The following CENPN variants were observed in gnomAD, a reference collection of about 807,000 sequenced individuals.
The protein encoded by CENPN is centromere protein N.
In CENPN, 36 loss-of-function variants were observed where a neutral mutation model predicts 48.6. The ratio of observed to expected loss-of-function variants is 0.74; its 90% CI spans 0.57 to 0.98. The LOEUF (loss-of-function observed/expected upper bound fraction) is 0.98. CENPN is among the 50% of genes least tolerant of loss of function. CENPN has a pLI of 0.00. For missense variants in CENPN, 439 were observed against 399.2 expected (o/e 1.10, Z -0.85); for synonymous variants, 166 against 135.2 (o/e 1.23, Z -1.58).
downstream of CENPN, among the ~76,000 whole-genome samples, chr16:81,031,734 C>A (rs115069815): frequency 5.6e-3 from 848 of 152,256 alleles, 10 homozygotes; most frequent in African/African-American, 0.019. Context: ...TGTCCAGTAG[C>A]TGGGATTACA....
chr16:81,015,187 C>T (rs192637902), intron 3 of CENPN, among the ~76,000 whole-genome samples: 33 of 152,308 alleles, frequency 2.2e-4, no homozygotes, highest in African/African-American at 7.7e-4. Flanking sequence ...TCCTCCCTTC[C>T]ATTTCATTGA....
intron 1 of CENPN, among the ~76,000 whole-genome samples, chr16:81,009,663 C>T (rs958230548): frequency 2.6e-5 from 4 of 152,186 alleles, no homozygotes; most frequent in Non-Finnish European, 5.9e-5. Context: ...TGTTAAAATA[C>T]AGTCAACTAT....
rs140590727 is a variant in CENPN at position 81,020,199 on chromosome 16, G to A, written c.454G>A (p.Val152Met). 49 of 1,613,754 alleles carry A rather than the reference G, an allele frequency of 3.0e-5. No homozygotes were observed. Among genetic ancestry groups the A allele is most frequent in the Admixed American group, 5.0e-5 (3 of 59,948 alleles). The change falls in exon 6 of 11, where the codon GTG becomes ATG. Residue 152 changes from valine (V) to methionine (M), a missense_variant. Transcript: ENST00000305850. The part of the protein sequence containing the change: ...TKPNQYKPTY[V>M]VYYSQTPYAF... ...GCCAAACCAGTACAAACCTACCTACGTGGTGTACTACTCCCAGACTCCGTA... is the reference window on the plus strand; with the variant it reads ...GCCAAACCAGTACAAACCTACCTACATGGTGTACTACTCCCAGACTCCGTA...
rs1597114744 is a variant in CENPN, at chr16:81,030,137, C to T, written c.*1486C>T. On this transcript the variant is annotated 3_prime_UTR_variant, in exon 11 of 11. Transcript: ENST00000305850. ...CCATGACTCAAGTATCTCCACCTGG[C>T]CCTGCCCTTGTCACATGGGGGTTAT... 2 of 918,992 alleles carry T rather than the reference C, an allele frequency of 2.2e-6. No homozygotes were observed. The highest frequency in any genetic ancestry group is 1.0e-4 in the South Asian group (2 of 19,974). 56.9% of individuals were successfully genotyped at this position (918,992 alleles called of 1,614,324 possible).
intron 3 of CENPN, 89 bp from the exon 4 acceptor site, chr16:81,017,237 C>T: frequency 1.2e-6 from 1 of 841,134 alleles, no homozygotes. Flanking sequence ...CTGTTACTTT[C>T]CCCAGTTTTA....
At chr16:81,014,345 C>T in intron 3 of CENPN, 164 bp downstream of exon 3, 1 of 615,906 alleles carries the variant, frequency 1.6e-6, no homozygotes, top group Non-Finnish European at 3.0e-6. Flanking sequence ...AGTGATTCTC[C>T]AACCTCAGCC....
intron 2 of CENPN, among the ~76,000 whole-genome samples, chr16:81,013,468 C>A (rs564307347): frequency 6.6e-6 from 1 of 152,326 alleles, no homozygotes; most frequent in South Asian, 2.1e-4. Flanking sequence ...TGGCTCCTGC[C>A]TGGAATCCCA....
At chr16:81,019,713 C>T (rs900335791) in intron 5 of CENPN, among the ~76,000 whole-genome samples, 1 of 151,652 alleles carries the variant, frequency 6.6e-6, no homozygotes, top group African/African-American at 2.4e-5. Context: ...CAAAAAAAAA[C>T]TTTTTTAAAA....
Position 81,014,167 on chromosome 16 carries a change from T to G in CENPN, c.203T>G (p.Leu68Arg). ...EKRASISDAA[L>R]LDIIYMQFHQ... ...CGTGCAAGTATCAGTGATGCTGCCC[T>G]GTTAGACATCATTTGTAAGTGTCAG... is the stretch of plus-strand genomic sequence containing the variant. The change falls in exon 3 of 11, where the codon CTG becomes CGG. Residue 68 changes from leucine (L) to arginine (R), a missense_variant. Physicochemically the swap from Leu to Arg is moderately radical, Grantham distance 102. Transcript: ENST00000305850. The G allele has an allele frequency of 6.2e-7, 1 of 1,613,306 alleles. No homozygotes were observed. Among genetic ancestry groups the G allele is most frequent in the South Asian group, 1.1e-5 (1 of 91,082 alleles).
At position 81,028,684 on chromosome 16, in the gene CENPN, T is replaced by C. The variant is rs776739470; in HGVS notation, c.*33T>C. Reference sequence around the variant, plus strand: ...GTGGTTTCTTAAGCACAGCTCCTCCTTCTTGATATTGCACATGCACTTCAG... The same window carrying C: ...GTGGTTTCTTAAGCACAGCTCCTCCCTCTTGATATTGCACATGCACTTCAG... On this transcript the variant is annotated 3_prime_UTR_variant, in exon 11 of 11. Coordinates refer to ENST00000305850, the MANE Select transcript of CENPN (RefSeq NM_001100624.3). 1 of 1,596,286 alleles carries C rather than the reference T, an allele frequency of 6.3e-7. No individual in the cohort carries two copies. The highest frequency in any genetic ancestry group is 1.8e-5 in the Admixed American group (1 of 54,784).
Position 81,030,301 on chromosome 16 carries a change from G to A in CENPN, c.*1650G>A. 1 of 985,416 alleles carries A rather than the reference G, an allele frequency of 1.0e-6. No individual in the cohort carries two copies. Among genetic ancestry groups the A allele is most frequent in the African/African-American group, 1.7e-5 (1 of 57,358 alleles). The allele number at this position is 985,416 out of a possible 1,614,324, so 61.0% of individuals were successfully genotyped here. ...GTTTCAGAGAGGATTTGGAGTTACAGAAACACATTAGACTGGGCATGGTGG... is the reference window on the plus strand; with the variant it reads ...GTTTCAGAGAGGATTTGGAGTTACAAAAACACATTAGACTGGGCATGGTGG... On this transcript the variant is annotated 3_prime_UTR_variant, in exon 11 of 11. Transcript: ENST00000305850.
intron 5 of CENPN, 107 bp downstream of exon 5, chr16:81,017,941 G>A (rs1014694084): frequency 8.8e-5 from 57 of 651,162 alleles, no homozygotes; most frequent in Non-Finnish European, 1.3e-4. Flanking sequence ...AATTCAGTTA[G>A]TAATAGTTCA....
downstream of CENPN, among the ~76,000 whole-genome samples, chr16:81,031,698 T>C (rs921205444): frequency 6.6e-6 from 1 of 152,220 alleles, no homozygotes; most frequent in Non-Finnish European, 1.5e-5. Context: ...GTTGAGGTTC[T>C]TTATCCAACG....
rs1289857903 is a variant in CENPN at position 81,030,849 on chromosome 16, G to A, written c.*2198G>A. The A allele has an allele frequency of 1.3e-5, 2 of 152,152 alleles. No individual in the cohort carries two copies. The highest frequency in any genetic ancestry group is 1.3e-4 in the Admixed American group (2 of 15,260). The allele number at this position is 152,152 out of a possible 1,614,324, so 9.4% of individuals were successfully genotyped here. ...TCACAAGGTCAAGAGTTTGAGACTAGCCTTAGCAACATGGTGAAGGTGAAC... is the reference window on the plus strand; with the variant it reads ...TCACAAGGTCAAGAGTTTGAGACTAACCTTAGCAACATGGTGAAGGTGAAC... On this transcript the variant is annotated 3_prime_UTR_variant, in exon 11 of 11. Transcript: ENST00000305850.
In CENPN at chr16:81,030,180, CT is replaced by C. The variant is rs1970707612; in HGVS notation, c.*1531del. 1.0e-6 allele frequency: 1 copy of C among 984,898 alleles called. No individual in the cohort carries two copies. The highest frequency in any genetic ancestry group is 6.1e-5 in the Admixed American group (1 of 16,264). 61.0% of individuals were successfully genotyped at this position (984,898 alleles called of 1,614,324 possible). A position where few individuals can be genotyped will look rare whatever the true frequency, so the allele number is the denominator to read the frequency against. On this transcript the variant is annotated 3_prime_UTR_variant, in exon 11 of 11. Coordinates refer to ENST00000305850, the MANE Select transcript of CENPN (RefSeq NM_001100624.3). The stretch of plus-strand genomic sequence containing the variant: ...GGGGTTATTACAATTCAAGGTGACA[CT>C]TGTGTGGAGACACAGCCAAACCATA...
intron 2 of CENPN, among the ~76,000 whole-genome samples, chr16:81,013,573 C>T (rs13334887): frequency 0.24 from 36,398 of 152,064 alleles, 4,532 homozygotes; most frequent in East Asian, 0.42. Context: ...ATACAAAAAT[C>T]AGCTAGGCAT....
At chr16:81,013,423 G>A (rs1033100607) in intron 2 of CENPN, among the ~76,000 whole-genome samples, 2 of 152,156 alleles carry the variant, frequency 1.3e-5, no homozygotes, top group African/African-American at 4.8e-5. Context: ...AAGGAAGTGG[G>A]CGGTGATAAG....
At chr16:81,013,875 T>C (rs1969839176) in intron 2 of CENPN, among the ~76,000 whole-genome samples, 1 of 152,244 alleles carries the variant, frequency 6.6e-6, no homozygotes, top group South Asian at 2.1e-4. Flanking sequence ...ATGATAATTA[T>C]ACTTCAATAA....
At chr16:81,016,892 C>G in intron 3 of CENPN, 1 of 182,900 alleles carries the variant, frequency 5.5e-6, no homozygotes, top group South Asian at 1.1e-4. Flanking sequence ...CGGGCGGGGA[C>G]TACTCTGAGT....
Sources: gnomAD v4.1 joint callset for allele counts (sites outside exome capture counted in the v4.1 genomes callset) on GRCh38, gnomAD v4.1.1 for gene constraint, MANE v1.5 for transcripts, NCBI Gene and HGNC (gene_info 2026-07-23, HGNC 2026-07-21) for gene names.